SMCO1: variants seen among roughly 807,000 people sequenced by gnomAD.
SMCO1 encodes the protein single-pass membrane protein with coiled-coil domains 1.
A neutral mutation model predicts 7.5 loss-of-function variants in SMCO1; 9 were observed. The ratio of observed to expected loss-of-function variants is 1.20; its 90% confidence interval spans 0.72 to 2.09. The LOEUF (loss-of-function observed/expected upper bound fraction) is 2.09. SMCO1 is among the 30% of genes most tolerant of loss of function. The pLI is 0.00. For missense variants in SMCO1, 219 were observed against 253.1 expected (o/e 0.87, Z 0.91); for synonymous variants, 90 against 93.8 (o/e 0.96, Z 0.23).
At chr3:196,515,983 G>GACATATATATATAT, upstream of SMCO1, among the ~76,000 whole-genome samples, 1 of 81,870 alleles carries the variant, frequency 1.2e-5, no homozygotes, top group South Asian at 4.4e-4. Flanking sequence ...CGGGCAAGAG[G>GACATATATATATAT]ATAGGATATA....
At chr3:196,512,120 C>T (rs1733256488) in intron 1 of SMCO1, among the ~76,000 whole-genome samples, 1 of 151,458 alleles carries the variant, frequency 6.6e-6, no homozygotes, top group Admixed American at 6.6e-5. Context: ...GCCTGAGCCA[C>T]CTAGATTGTG....
upstream of SMCO1, among the ~76,000 whole-genome samples, chr3:196,518,277 C>A (rs569259021): frequency 6.6e-6 from 1 of 152,362 alleles, no homozygotes; most frequent in African/African-American, 2.4e-5. Context: ...CCTGACATAA[C>A]CAACTGCTTT....
In SMCO1 at chr3:196,508,582, C is replaced by T. The variant is rs912792927; in HGVS notation, c.201-251G>A. ...AGCTCAAGTGATCCTGTCGCCTCGG[C>T]TTCCCAGAGTGCTGGGATTAAAGGC... is the stretch of plus-strand genomic sequence containing the variant. On this transcript the variant is annotated intron_variant, in intron 2 of 2. Transcript: ENST00000397537. 3.3e-5 allele frequency among the ~76,000 whole-genome samples: 5 copies of T among 151,516 alleles called. No homozygotes were observed. In the South Asian group the frequency reaches 1.1e-3, roughly 32 times the overall value.
At chr3:196,515,776 G>A (rs1733367712), upstream of SMCO1, among the ~76,000 whole-genome samples, 2 of 151,426 alleles carry the variant, frequency 1.3e-5, no homozygotes, top group South Asian at 2.1e-4. Context: ...CAAGGTGGGA[G>A]GATTGCTTGA....
At position 196,509,530 on chromosome 3, in the gene SMCO1, G is replaced by A. The variant is rs11926701; in HGVS notation, c.190C>T (p.Arg64Trp). ...TCAATTGATACTCACTGGAGTGCCC[G>A]AACTGCTGTCCACATCTCATCTTGG... ...AAQDEMWTAV[R>W]ALQLTSMELN... is the part of the protein sequence containing the mutation. Residue 64 changes from arginine (R) to tryptophan (W), a missense_variant, in exon 2 of 3, where the codon CGG (arginine) becomes TGG (tryptophan). Arg to Trp is a moderately radical substitution (Grantham distance 101). Coordinates refer to ENST00000397537, the MANE Select transcript of SMCO1 (RefSeq NM_001077657.3). 28,394 of 1,612,968 alleles carry A rather than the reference G, an allele frequency of 0.018. 4,007 individuals are homozygous for A. The African/African-American group carries it at 0.32, about 18-fold the overall frequency.
intron 1 of SMCO1, among the ~76,000 whole-genome samples, chr3:196,513,146 T>C (rs372062827): frequency 6.6e-6 from 1 of 150,568 alleles, no homozygotes; most frequent in Non-Finnish European, 1.5e-5. Flanking sequence ...TTGGGCAACA[T>C]AGTGAGACCT....
Position 196,515,029 on chromosome 3 carries a change from C to A in SMCO1, c.50+131G>T, listed in dbSNP as rs139898508. 1,595 of 1,141,152 alleles carry A rather than the reference C, an allele frequency of 1.4e-3. 44 individuals carry two copies. In the East Asian group the frequency reaches 0.037, roughly 27 times the overall value. The allele number at this position is 1,141,152 out of a possible 1,614,324, so 70.7% of individuals were successfully genotyped here. A position where few individuals can be genotyped will look rare whatever the true frequency, so the allele number is the denominator to read the frequency against. On this transcript the variant is annotated intron_variant, in intron 1 of 2. Transcript: ENST00000397537. ...TGCTGGGATTACAGGTGTGAGCCACCGCACCGGCCACAGAGACAGAATTCT... is the reference window on the plus strand; with the variant it reads ...TGCTGGGATTACAGGTGTGAGCCACAGCACCGGCCACAGAGACAGAATTCT...
upstream of SMCO1, among the ~76,000 whole-genome samples, chr3:196,519,663 ATAG>A (rs1733455544): frequency 6.6e-6 from 1 of 152,194 alleles, no homozygotes; most frequent in African/African-American, 2.4e-5. Flanking sequence ...GCGGGCCATA[ATAG>A]TAGCCAATCC....
At chr3:196,520,182 G>T (rs757809578), upstream of SMCO1, among the ~76,000 whole-genome samples, 2 of 152,270 alleles carry the variant, frequency 1.3e-5, no homozygotes, top group South Asian at 2.1e-4. Context: ...AGACAAACCC[G>T]CTGGAGGGAG....
At chr3:196,509,056 T>C (rs1733138984) in intron 2 of SMCO1, among the ~76,000 whole-genome samples, 2 of 151,746 alleles carry the variant, frequency 1.3e-5, no homozygotes, top group Admixed American at 1.3e-4. Flanking sequence ...AATTAATCTT[T>C]TTTTTTTCTT....
chr3:196,510,031 G>A (rs564378307), intron 1 of SMCO1, among the ~76,000 whole-genome samples: 2 of 151,846 alleles, frequency 1.3e-5, no homozygotes, highest in Non-Finnish European at 2.9e-5. Flanking sequence ...CACCCAAACC[G>A]GAGTGCAGTG....
chr3:196,512,256 T>G (rs1325494210), intron 1 of SMCO1, among the ~76,000 whole-genome samples: 1 of 146,798 alleles, frequency 6.8e-6, no homozygotes, highest in Admixed American at 6.7e-5. Flanking sequence ...TGAGGGAAAC[T>G]TGCCTGGGCC....
In SMCO1 at chr3:196,509,519, C is replaced by A. The variant is rs1349605945; in HGVS notation, c.200+1G>T. ...CCACTGATTTCTCAATTGATACTCA[C>A]TGGAGTGCCCGAACTGCTGTCCACA... On this transcript the variant is annotated splice_donor_variant, in intron 2 of 2. Coordinates refer to ENST00000397537, the MANE Select transcript of SMCO1 (RefSeq NM_001077657.3). LOFTEE classifies it high-confidence loss of function. 1 of 1,611,486 alleles carries A rather than the reference C, an allele frequency of 6.2e-7. No individual in the cohort carries two copies. The highest frequency in any genetic ancestry group is 1.3e-5 in the African/African-American group (1 of 74,994).
chr3:196,515,988 G>GAGATATAT (rs1296248474), upstream of SMCO1, among the ~76,000 whole-genome samples: 10 of 23,888 alleles, frequency 4.2e-4, no homozygotes, highest in East Asian at 2.2e-3. Context: ...AAGAGGATAG[G>GAGATATAT]ATATATATAT....
At chr3:196,511,158 C>T in intron 1 of SMCO1, among the ~76,000 whole-genome samples, 1 of 137,846 alleles carries the variant, frequency 7.3e-6, no homozygotes, top group East Asian at 2.0e-4. Flanking sequence ...GCCTGAGCCA[C>T]CTAGATTGTC....
the SMCO1 span, among the ~76,000 whole-genome samples, chr3:196,520,432 C>T: frequency 5.0e-4 from 76 of 152,206 alleles, no homozygotes; most frequent in African/African-American, 1.7e-3. Context: ...TGTCCCAACC[C>T]TTCTAGTCCC....
chr3:196,512,990 C>A (rs1733290613), intron 1 of SMCO1, among the ~76,000 whole-genome samples: 3 of 152,076 alleles, frequency 2.0e-5, no homozygotes, highest in South Asian at 4.1e-4. Flanking sequence ...GGAATAGAAG[C>A]CTGTGTGACC....
In SMCO1 at chr3:196,515,250, A is replaced by AC; in HGVS notation, c.-42dup. The AC allele has an allele frequency of 6.6e-7, 1 of 1,503,904 alleles. No individual in the cohort carries two copies. Among genetic ancestry groups the AC allele is most frequent in the Non-Finnish European group, 9.3e-7 (1 of 1,080,996 alleles). The allele number at this position is 1,503,904 out of a possible 1,614,324, so 93.2% of individuals were successfully genotyped here. A position where few individuals can be genotyped will look rare whatever the true frequency, so the allele number is the denominator to read the frequency against. On this transcript the variant is annotated 5_prime_UTR_variant, in exon 1 of 3. Coordinates refer to ENST00000397537, the MANE Select transcript of SMCO1 (RefSeq NM_001077657.3). ...GGAAAGAAAACAAAAACAAAGCAAA[A>AC]CAAAAAAAGCAATAAATGTTTGAAT...
At position 196,509,508 on chromosome 3, in the gene SMCO1, A is replaced by G. The variant is rs763164920; in HGVS notation, c.200+12T>C. On this transcript the variant is annotated intron_variant, in intron 2 of 2. Transcript: ENST00000397537. Reference sequence around the variant, plus strand: ...GCCACAGAATCCCACTGATTTCTCAATTGATACTCACTGGAGTGCCCGAAC... The same window carrying G: ...GCCACAGAATCCCACTGATTTCTCAGTTGATACTCACTGGAGTGCCCGAAC... 3.1e-6 allele frequency: 5 copies of G among 1,600,428 alleles called. No individual in the cohort carries two copies. The highest frequency in any genetic ancestry group is 1.7e-5 in the Admixed American group (1 of 59,016).
Sources: allele counts gnomAD v4.1 joint callset (sites outside exome capture counted in the v4.1 genomes callset), GRCh38; gene constraint gnomAD v4.1.1; transcripts MANE v1.5; gene names NCBI Gene and HGNC (gene_info 2026-07-23, HGNC 2026-07-21).